DLG2: variants seen among roughly 807,000 people sequenced by gnomAD.
DLG2 encodes disks large homolog 2.
A neutral mutation model predicts 132.5 loss-of-function variants in DLG2; 45 were observed. That is an observed-to-expected ratio of 0.34 (90% CI 0.27 to 0.44). DLG2 has a LOEUF of 0.44. Among genes scored for constraint, DLG2 ranks in the 20% least tolerant of loss-of-function variants. The probability of loss-of-function intolerance (pLI) is 1.00; values close to 1 mark genes in which losing one functional copy is unlikely to be tolerated. For missense variants in DLG2, 1,045 were observed against 1,196.9 expected (o/e 0.87, Z 1.87); for synonymous variants, 424 against 419.6 (o/e 1.01, Z -0.13).
chr11:85,139,045 G>A (rs983286564), intron 5 of DLG2, among the ~76,000 whole-genome samples: 3 of 152,022 alleles, frequency 2.0e-5, no homozygotes, highest in African/African-American at 7.2e-5. Flanking sequence ...TCAAGGCTCT[G>A]CTCAGATGTT....
At chr11:85,553,650 T>C (rs2076787003) in intron 3 of DLG2, among the ~76,000 whole-genome samples, 1 of 151,640 alleles carries the variant, frequency 6.6e-6, no homozygotes, top group African/African-American at 2.4e-5. Flanking sequence ...AAATGAAATG[T>C]TAATAATCAA....
At chr11:84,485,945 T>C (rs970883629) in intron 7 of DLG2, among the ~76,000 whole-genome samples, 1 of 152,122 alleles carries the variant, frequency 6.6e-6, no homozygotes, top group Non-Finnish European at 1.5e-5. Context: ...CCACATTTTG[T>C]AGCTATACCA....
At chr11:83,975,092 T>C (rs2154169713) in intron 12 of DLG2, among the ~76,000 whole-genome samples, 1 of 152,200 alleles carries the variant, frequency 6.6e-6, no homozygotes, top group Middle Eastern at 3.4e-3. Flanking sequence ...CAAATTATCC[T>C]GGATTCAACA....
intron 15 of DLG2, among the ~76,000 whole-genome samples, chr11:83,912,208 T>C (rs1188687714): frequency 2.6e-5 from 4 of 152,134 alleles, no homozygotes; most frequent in East Asian, 3.9e-4. Flanking sequence ...TGGAGACATA[T>C]GTGATGTCAG....
intron 14 of DLG2, among the ~76,000 whole-genome samples, chr11:83,959,690 T>C (rs926434183): frequency 7.9e-5 from 12 of 152,102 alleles, no homozygotes; most frequent in African/African-American, 2.9e-4. Flanking sequence ...TTCAGAGTTA[T>C]CTAGGTAGTA....
chr11:83,868,309 T>C (rs2062782413), intron 16 of DLG2, among the ~76,000 whole-genome samples: 2 of 152,164 alleles, frequency 1.3e-5, no homozygotes, highest in Non-Finnish European at 2.9e-5. Context: ...AGAACTTTCT[T>C]ATTCAGGAGA....
chr11:85,183,493 A>G (rs1465012664), intron 4 of DLG2, among the ~76,000 whole-genome samples: 1 of 151,958 alleles, frequency 6.6e-6, no homozygotes, highest in African/African-American at 2.4e-5. Flanking sequence ...CCAAGGTCCC[A>G]AAACAGCCAA....
At chr11:85,177,366 T>C (rs563817177) in intron 4 of DLG2, among the ~76,000 whole-genome samples, 2 of 152,050 alleles carry the variant, frequency 1.3e-5, no homozygotes, top group South Asian at 2.1e-4. Context: ...TCATGTCCTT[T>C]GCAGGGACAT....
chr11:84,926,723 C>T (rs1202745568), intron 6 of DLG2, among the ~76,000 whole-genome samples: 4 of 151,852 alleles, frequency 2.6e-5, no homozygotes, highest in Non-Finnish European at 5.9e-5. Flanking sequence ...TTATCCAATC[C>T]AACTATCCCT....
chr11:85,238,269 A>G (rs2075701295), intron 4 of DLG2, among the ~76,000 whole-genome samples: 2 of 139,418 alleles, frequency 1.4e-5, no homozygotes, highest in Non-Finnish European at 3.1e-5. Context: ...TTTGAGACAG[A>G]GTCTTGCTTT....
intron 7 of DLG2, among the ~76,000 whole-genome samples, chr11:84,359,543 G>T (rs1238239096): frequency 6.6e-6 from 1 of 151,746 alleles, no homozygotes; most frequent in Non-Finnish European, 1.5e-5. Context: ...TTTTCCAAGT[G>T]AAAAAAAGTT....
chr11:85,185,078 T>C (rs1009410553), intron 4 of DLG2, among the ~76,000 whole-genome samples: 1 of 151,978 alleles, frequency 6.6e-6, no homozygotes, highest in African/African-American at 2.4e-5. Flanking sequence ...TGTCTGCTTT[T>C]TCTTTTATTT....
At chr11:84,499,862 C>T (rs928364608) in intron 7 of DLG2, among the ~76,000 whole-genome samples, 5 of 152,106 alleles carry the variant, frequency 3.3e-5, no homozygotes, top group Non-Finnish European at 5.9e-5. Context: ...AGATTGTAGA[C>T]ACTAGAGTCA....
chr11:84,231,154 T>C (rs527508353), intron 8 of DLG2, among the ~76,000 whole-genome samples: 1 of 152,320 alleles, frequency 6.6e-6, no homozygotes, highest in African/African-American at 2.4e-5. Context: ...AACCTTCTTA[T>C]TGTCCCTTCT....
intron 6 of DLG2, among the ~76,000 whole-genome samples, chr11:84,656,789 C>CA (rs1287387931): frequency 6.6e-6 from 1 of 152,136 alleles, no homozygotes; most frequent in East Asian, 1.9e-4. Flanking sequence ...TTATCTCTCT[C>CA]AAAAAATTGT....
At chr11:83,969,141 A>T (rs2090833763) in intron 12 of DLG2, among the ~76,000 whole-genome samples, 1 of 152,142 alleles carries the variant, frequency 6.6e-6, no homozygotes, top group Non-Finnish European at 1.5e-5. Context: ...CTGTTTTTTA[A>T]AGAGATTAAC....
At chr11:83,930,883 T>G (rs115059553) in intron 14 of DLG2, among the ~76,000 whole-genome samples, 2,949 of 152,260 alleles carry the variant, frequency 0.019, 66 homozygotes, top group East Asian at 0.073. Flanking sequence ...GAAGCAAACT[T>G]GAGGATAAAG....
At chr11:85,066,300 C>G (rs1395319308) in intron 6 of DLG2, among the ~76,000 whole-genome samples, 2 of 151,242 alleles carry the variant, frequency 1.3e-5, no homozygotes. Flanking sequence ...ATTAAATTAG[C>G]AATAAAAAAC....
intron 4 of DLG2, among the ~76,000 whole-genome samples, chr11:85,209,889 C>A (rs2082148170): frequency 6.6e-6 from 1 of 152,140 alleles, no homozygotes; most frequent in Non-Finnish European, 1.5e-5. Context: ...TCACACCAAG[C>A]AGACTCCTGC....
Sources: gnomAD v4.1 joint callset for allele counts (sites outside exome capture counted in the v4.1 genomes callset) on GRCh38, gnomAD v4.1.1 for gene constraint, MANE v1.5 for transcripts, NCBI Gene and HGNC (gene_info 2026-07-23, HGNC 2026-07-21) for gene names.